Variants in SUGCT observed in about 807,000 individuals in gnomAD.
SUGCT encodes succinyl-CoA:glutarate-CoA transferase.
A neutral mutation model predicts 55.0 loss-of-function variants in SUGCT; 41 were observed. The ratio of observed to expected loss-of-function variants is 0.74; its 90% CI spans 0.58 to 0.97. The LOEUF is 0.97. Ranked by LOEUF, SUGCT falls within the 50% of genes least tolerant of loss-of-function variation. The pLI, the probability that SUGCT is intolerant of heterozygous loss-of-function variation, is 0.00. For missense variants in SUGCT, 568 were observed against 547.8 expected (o/e 1.04, Z -0.37); for synonymous variants, 187 against 200.4 (o/e 0.93, Z 0.56).
chr7:40,713,679 C>CACA (rs1785851860), intron 12 of SUGCT, among the ~76,000 whole-genome samples: 1 of 152,198 alleles, frequency 6.6e-6, no homozygotes, highest in Non-Finnish European at 1.5e-5. Flanking sequence ...TCTTCATATT[C>CACA]TGTAGCATGT....
intron 12 of SUGCT, among the ~76,000 whole-genome samples, chr7:40,674,876 C>T (rs539703970): frequency 7.2e-5 from 11 of 151,854 alleles, no homozygotes; most frequent in Admixed American, 1.3e-4. Flanking sequence ...GAAGTTCTGC[C>T]GTCCATGATG....
intron 13 of SUGCT, among the ~76,000 whole-genome samples, chr7:40,765,017 G>T (rs1225973531): frequency 6.6e-6 from 1 of 152,166 alleles, no homozygotes; most frequent in Non-Finnish European, 1.5e-5. Flanking sequence ...TCCTTTGCCA[G>T]CTTATAGCAG....
At chr7:40,648,090 C>A (rs960874767) in intron 12 of SUGCT, among the ~76,000 whole-genome samples, 1 of 152,018 alleles carries the variant, frequency 6.6e-6, no homozygotes, top group Non-Finnish European at 1.5e-5. Flanking sequence ...TCTAGAAAAG[C>A]GTTTTAACTG....
At chr7:40,811,594 CT>C (rs1223287963) in intron 13 of SUGCT, among the ~76,000 whole-genome samples, 24 of 152,084 alleles carry the variant, frequency 1.6e-4, no homozygotes, top group South Asian at 1.2e-3. Context: ...TATAGAAATG[CT>C]GCTGATTTTT....
chr7:40,892,431 A>C, the SUGCT span, among the ~76,000 whole-genome samples: 110,170 of 152,022 alleles, frequency 0.72, 40,023 homozygotes, highest in Admixed American at 0.79. Context: ...AAGAAGACAG[A>C]AAGAGGGAAA....
At chr7:40,579,319 A>G (rs1796950137) in intron 12 of SUGCT, among the ~76,000 whole-genome samples, 1 of 152,086 alleles carries the variant, frequency 6.6e-6, no homozygotes, top group Non-Finnish European at 1.5e-5. Context: ...TAACATTTCA[A>G]CCCTGCCTTA....
At chr7:40,483,084 A>C (rs900504181) in intron 11 of SUGCT, among the ~76,000 whole-genome samples, 2 of 152,192 alleles carry the variant, frequency 1.3e-5, no homozygotes, top group Admixed American at 6.5e-5. Flanking sequence ...GGAAATATTA[A>C]ATCTGTGATT....
At chr7:40,563,987 T>G (rs376838804) in intron 12 of SUGCT, among the ~76,000 whole-genome samples, 3 of 152,282 alleles carry the variant, frequency 2.0e-5, no homozygotes, top group South Asian at 2.1e-4. Flanking sequence ...GTGGGATATG[T>G]ATATACAGAG....
chr7:40,354,784 A>G (rs1797810153), intron 9 of SUGCT, among the ~76,000 whole-genome samples: 1 of 152,240 alleles, frequency 6.6e-6, no homozygotes, highest in Non-Finnish European at 1.5e-5. Flanking sequence ...ATGTGAAAGC[A>G]AAGTAGTAGC....
At chr7:40,767,804 A>G (rs538884416) in intron 13 of SUGCT, among the ~76,000 whole-genome samples, 1 of 152,324 alleles carries the variant, frequency 6.6e-6, no homozygotes, top group African/African-American at 2.4e-5. Flanking sequence ...CAAGGCCAGT[A>G]TTCAAAAGCA....
chr7:40,490,940 T>C (rs1791644774), intron 11 of SUGCT, among the ~76,000 whole-genome samples: 1 of 152,032 alleles, frequency 6.6e-6, no homozygotes, highest in Non-Finnish European at 1.5e-5. Context: ...AATCTAAGAG[T>C]CTCAAATTGT....
At chr7:40,520,128 A>G (rs1007099477) in intron 12 of SUGCT, among the ~76,000 whole-genome samples, 1 of 152,162 alleles carries the variant, frequency 6.6e-6, no homozygotes, top group Admixed American at 6.6e-5. Context: ...ATCCGACTTA[A>G]GAGTTGACCA....
chr7:40,773,864 T>C (rs1026418354), intron 13 of SUGCT, among the ~76,000 whole-genome samples: 7 of 152,156 alleles, frequency 4.6e-5, no homozygotes, highest in Non-Finnish European at 7.3e-5. Flanking sequence ...TATTAACCAA[T>C]CAAATTGCTC....
intron 13 of SUGCT, among the ~76,000 whole-genome samples, chr7:40,752,906 G>A (rs1436994310): frequency 6.6e-6 from 1 of 152,028 alleles, no homozygotes; most frequent in East Asian, 1.9e-4. Flanking sequence ...TTTTTGGTAT[G>A]TCTATCTTGT....
the SUGCT span, among the ~76,000 whole-genome samples, chr7:40,898,353 C>A: frequency 4.6e-5 from 7 of 152,216 alleles, no homozygotes; most frequent in East Asian, 1.4e-3. Flanking sequence ...TCTGCGGCTT[C>A]GCTCCTGAAG....
rs1183426693 is a variant in SUGCT, at chr7:40,439,064, GTATATATATATATATA to G, written c.817-10191_817-10176del. Among the ~76,000 whole-genome samples the G allele has an allele frequency of 4.8e-3, 131 of 27,182 alleles. 5 individuals carry two copies. The highest frequency in any genetic ancestry group is 0.023 in the South Asian group (24 of 1,036). The allele number at this position is 27,182 out of a possible 152,430, so 17.8% of individuals were successfully genotyped here. On this transcript the variant is annotated intron_variant, in intron 9 of 13. Transcript: ENST00000335693. ...TATATATATATGGTATATATATGGT[GTATATATATATATATA>G]TATATATATATATATATATATATAT...
chr7:41,004,097 T>C, the SUGCT span, among the ~76,000 whole-genome samples: 9 of 152,336 alleles, frequency 5.9e-5, no homozygotes, highest in South Asian at 1.9e-3. Flanking sequence ...ATGTATCTGC[T>C]TGTAGCCAGT....
intron 1 of SUGCT, among the ~76,000 whole-genome samples, chr7:40,135,737 A>G (rs2150565353): frequency 6.6e-6 from 1 of 151,504 alleles, no homozygotes; most frequent in East Asian, 1.9e-4. Context: ...GCTCACTGCA[A>G]CCTCCTCCTC....
At chr7:40,648,737 G>T (rs547621836) in intron 12 of SUGCT, among the ~76,000 whole-genome samples, 1 of 152,288 alleles carries the variant, frequency 6.6e-6, no homozygotes, top group African/African-American at 2.4e-5. Flanking sequence ...AAGTGTTATT[G>T]CTACTTTATT....
Sources: allele counts gnomAD v4.1 joint callset (sites outside exome capture counted in the v4.1 genomes callset), GRCh38; gene constraint gnomAD v4.1.1; transcripts MANE v1.5; gene names NCBI Gene and HGNC (gene_info 2026-07-23, HGNC 2026-07-21).